TRIOBP: variants seen among roughly 807,000 people sequenced by gnomAD.
TRIOBP encodes the protein TRIO and F-actin binding protein.
A neutral mutation model predicts 238.8 loss-of-function variants in TRIOBP; 169 were observed. That is an observed-to-expected ratio of 0.71 (90% CI 0.62 to 0.80). The LOEUF (loss-of-function observed/expected upper bound fraction) is 0.80. Ranked by LOEUF, TRIOBP falls within the 30% of genes least tolerant of loss-of-function variation. The pLI, the probability that TRIOBP is intolerant of heterozygous loss-of-function variation, is 0.00. For synonymous variants in TRIOBP, 1,150 were observed against 1,274.4 expected, an observed-to-expected ratio of 0.90 and a Z score of 2.08; for missense variants, 2,838 against 3,122.6, an observed-to-expected ratio of 0.91 and a Z score of 2.17.
At position 37,733,395 on chromosome 22, in the gene TRIOBP, C is replaced by T; in HGVS notation, c.4045C>T (p.Pro1349Ser). The change falls in exon 8 of 24, where the codon CCT becomes TCT. Residue 1349 changes from proline (P) to serine (S), a missense_variant. By Grantham distance (74) the Pro-to-Ser change is moderately conservative (BLOSUM62 -1). Transcript: ENST00000644935. ...CCAACTTCTCCGAAGACAGTCCAGC[C>T]CTGCCCCCAGCAGGCAGGTGAGCAC... ...QSQLLRRQSS[P>S]APSRQVTMLP... The T allele has an allele frequency of 6.4e-7, 1 of 1,550,858 alleles. No individual in the cohort carries two copies. Among genetic ancestry groups the T allele is most frequent in the South Asian group, 1.2e-5 (1 of 84,090 alleles).
intron 16 of TRIOBP, 60 bp from the exon 17 acceptor site, chr22:37,759,094 T>G: frequency 7.0e-7 from 1 of 1,422,526 alleles, no homozygotes; most frequent in East Asian, 2.4e-5. Flanking sequence ...GGCTCCTCAC[T>G]GCCTTCCACC....
rs773104591 is a variant in TRIOBP at position 37,725,853 on chromosome 22, G to C, written c.3297G>C (p.Gln1099His). 8.1e-6 allele frequency: 13 copies of C among 1,604,276 alleles called. No homozygotes were observed. Among genetic ancestry groups the C allele is most frequent in the Non-Finnish European group, 1.1e-5 (13 of 1,178,386 alleles). Residue 1099 changes from glutamine to histidine, a missense_variant, in exon 7 of 24, where the codon CAG becomes CAC. Transcript: ENST00000644935. ...CATCAGATGCCGAGCATCAGTGTCA[G>C]TCCCCCCAACACGAGCCCCTTCAGC... ...PDTSDAEHQC[Q>H]SPQHEPLQLP...
intron 12 of TRIOBP, 31 bp from the exon 13 acceptor site, chr22:37,754,846 C>T (rs933952602): frequency 6.2e-7 from 1 of 1,606,728 alleles, no homozygotes; most frequent in African/African-American, 1.3e-5. Context: ...CAATCACACA[C>T]ACTGGCTCTT....
At chr22:37,708,181 G>A (rs1429463750) in intron 3 of TRIOBP, among the ~76,000 whole-genome samples, 3 of 148,364 alleles carry the variant, frequency 2.0e-5, no homozygotes, top group Non-Finnish European at 4.4e-5. Flanking sequence ...GGGAGGCGGA[G>A]CTTGCAGTGA....
chr22:37,745,971 G>GCGCGCC (rs1486645614), intron 11 of TRIOBP, among the ~76,000 whole-genome samples: 30 of 151,120 alleles, frequency 2.0e-4, no homozygotes, highest in African/African-American at 6.3e-4. Flanking sequence ...CTTCCTCCCA[G>GCGCGCC]CGCGCCCGCG....
rs746134002 is a variant in TRIOBP, at chr22:37,713,395, G to A, written c.440G>A (p.Ser147Asn). 3 of 1,613,278 alleles carry A rather than the reference G, an allele frequency of 1.9e-6. No homozygotes were observed. The highest frequency in any genetic ancestry group is 1.7e-6 in the Non-Finnish European group (2 of 1,180,010). Reference sequence around the variant, plus strand: ...GACTCCGCCACCCCTGATGATACCAGCAACTCGTCCTCTGTGGTGAGCCAG... The same window carrying A: ...GACTCCGCCACCCCTGATGATACCAACAACTCGTCCTCTGTGGTGAGCCAG... ...SPDSATPDDT[S>N]NSSSVDWDTV... Residue 147 changes from serine to asparagine, a missense_variant, in exon 5 of 24, where the codon AGC becomes AAC. Ser to Asn is a conservative substitution (Grantham distance 46). Around this residue, in one of 5 missense-constraint regions of TRIOBP, gnomAD observed 535 missense variants for 537.3 expected, o/e 1.00. Transcript: ENST00000644935.
chr22:37,725,383 C>T lies in TRIOBP; in HGVS notation c.2827C>T (p.Gln943Ter). 6.2e-7 allele frequency: 1 copy of T among 1,612,116 alleles called. No homozygotes were observed. Among genetic ancestry groups the T allele is most frequent in the Non-Finnish European group, 8.5e-7 (1 of 1,178,698 alleles). Residue 943 changes from glutamine (Q) to a stop codon, truncating the protein, a stop_gained, in exon 7 of 24, where the codon CAA becomes TAA. Coordinates refer to ENST00000644935, the MANE Select transcript of TRIOBP (RefSeq NM_001039141.3). LOFTEE classifies it high-confidence loss of function. ...GGCATCCATCGCCCTCCGGCCAACC[C>T]AAGGTGACAGGCCTCAGACATCCTC... ...PWASIALRPT[Q>*]GDRPQTSSPS...
rs753886991 is a variant in TRIOBP, at chr22:37,724,613, C to A, written c.2057C>A (p.Ser686Tyr). The A allele has an allele frequency of 2.5e-6, 4 of 1,612,206 alleles. No homozygotes were observed. In the African/African-American group the frequency reaches 5.4e-5, roughly 22 times the overall value. ...CALRDNPRAS[S>Y]PSRTIQQENP... Reference sequence around the variant, plus strand: ...CTACGGGACAATCCCAGAGCCTCCTCTCCCAGCAGAACCATCCAACAAGAG... The same window carrying A: ...CTACGGGACAATCCCAGAGCCTCCTATCCCAGCAGAACCATCCAACAAGAG... The change falls in exon 7 of 24, where the codon TCT (serine) becomes TAT (tyrosine). Residue 686 changes from serine to tyrosine, a missense_variant. Ser to Tyr is a moderately radical substitution (Grantham distance 144). Transcript: ENST00000644935.
At chr22:37,747,162 G>T (rs1252192816) in intron 11 of TRIOBP, among the ~76,000 whole-genome samples, 3 of 152,134 alleles carry the variant, frequency 2.0e-5, no homozygotes, top group African/African-American at 7.2e-5. Context: ...AGCTGGGTTC[G>T]CTGGACTCCC....
At chr22:37,744,651 A>C (rs1054620543) in intron 11 of TRIOBP, among the ~76,000 whole-genome samples, 5 of 151,640 alleles carry the variant, frequency 3.3e-5, no homozygotes, top group Non-Finnish European at 4.4e-5. Flanking sequence ...GTGTTCATTC[A>C]CTCTCCCAAG....
intron 9 of TRIOBP, 40 bp downstream of exon 9, chr22:37,735,482 C>G (rs1260720862): frequency 1.9e-6 from 3 of 1,539,602 alleles, no homozygotes; most frequent in Non-Finnish European, 2.6e-6. Context: ...GCCAGAAAGT[C>G]AGCCCCACTC....
At chr22:37,749,431 G>C (rs760710264) in intron 11 of TRIOBP, among the ~76,000 whole-genome samples, 1 of 152,026 alleles carries the variant, frequency 6.6e-6, no homozygotes. Flanking sequence ...AGTGAGTCCC[G>C]CCAGCCCGAG....
intron 3 of TRIOBP, among the ~76,000 whole-genome samples, chr22:37,709,578 G>A (rs979806068): frequency 1.3e-5 from 2 of 152,186 alleles, no homozygotes; most frequent in African/African-American, 4.8e-5. Flanking sequence ...ACCAGAGCCC[G>A]CAGCCCAGGT....
chr22:37,725,034 ATCT>A lies in TRIOBP; in HGVS notation c.2482_2484del (p.Ser828del), dbSNP rs758798285. 2 of 1,614,130 alleles carry A rather than the reference ATCT, an allele frequency of 1.2e-6. No individual in the cohort carries two copies. Among genetic ancestry groups the A allele is most frequent in the Non-Finnish European group, 8.5e-7 (1 of 1,179,976 alleles). ...GTATTCAACAGAACATCCCCAGATC[ATCT>A]TCTACCCAACAAGACAACCCTAAAA... On this transcript the variant is annotated inframe_deletion, in exon 7 of 24. Coordinates refer to ENST00000644935, the MANE Select transcript of TRIOBP (RefSeq NM_001039141.3).
At chr22:37,749,783 C>CAAA (rs893218020) in intron 11 of TRIOBP, among the ~76,000 whole-genome samples, 18 of 60,104 alleles carry the variant, frequency 3.0e-4, no homozygotes, top group African/African-American at 5.1e-4. Context: ...CCCATCTCTA[C>CAAA]AAAAAAAAAA....
chr22:37,725,789 G>A lies in TRIOBP; in HGVS notation c.3233G>A (p.Arg1078His), dbSNP rs199940075. 2.0e-5 allele frequency: 23 copies of A among 1,137,352 alleles called. No individual in the cohort carries two copies. The highest frequency in any genetic ancestry group is 7.3e-5 in the East Asian group (2 of 27,236). The allele number at this position is 1,137,352 out of a possible 1,614,324, so 70.5% of individuals were successfully genotyped here. A position where few individuals can be genotyped will look rare whatever the true frequency, so the allele number is the denominator to read the frequency against. ...GCCCCCCGGGCGTCCTCGCCCCCCC[G>A]CCACACCCAATTTGACCCCTTCCCC... ...RDAPRASSPP[R>H]HTQFDPFPFL... Residue 1078 changes from arginine to histidine, a missense_variant, in exon 7 of 24, where the codon CGC becomes CAC. By Grantham distance (29) the Arg-to-His change is conservative. This residue lies in a region of TRIOBP where 2,096 missense variants were observed against 2,137.4 expected (regional missense o/e 0.98). Coordinates refer to ENST00000644935, the MANE Select transcript of TRIOBP (RefSeq NM_001039141.3).
intron 11 of TRIOBP, chr22:37,746,259 G>GGGCAGC (rs1925248719): frequency 1.8e-6 from 2 of 1,089,448 alleles, no homozygotes; most frequent in Non-Finnish European, 2.2e-6. Flanking sequence ...GAAGGGGCCG[G>GGGCAGC]GGCAGCGTCG....
At chr22:37,700,145 G>A (rs5756781) in intron 2 of TRIOBP, among the ~76,000 whole-genome samples, 113,226 of 151,926 alleles carry the variant, frequency 0.75, 42,496 homozygotes, top group East Asian at 0.84. Flanking sequence ...CCAAAGTGCT[G>A]GGATTACAGG....
In TRIOBP at chr22:37,726,292, CCGGGCAG is replaced by C. The variant is rs1174228206; in HGVS notation, c.3738_3744del (p.Gly1247LeufsTer107). 1.2e-6 allele frequency: 2 copies of C among 1,612,880 alleles called. No individual in the cohort carries two copies. The highest frequency in any genetic ancestry group is 1.7e-6 in the Non-Finnish European group (2 of 1,179,994). ...AGCGTTCCTGGCACCCTCACCTTCA[CCGGGCAG>C]CTCTGGGGGCTCCCGGGGCTCAGCG... is the stretch of plus-strand genomic sequence containing the variant. On this transcript the variant is annotated frameshift_variant, in exon 7 of 24. Coordinates refer to ENST00000644935, the MANE Select transcript of TRIOBP (RefSeq NM_001039141.3). LOFTEE classifies it high-confidence loss of function.
Sources: allele counts gnomAD v4.1 joint callset (sites outside exome capture counted in the v4.1 genomes callset), GRCh38; gene constraint gnomAD v4.1.1; regional missense constraint gnomAD v4.1.1; transcripts MANE v1.5; gene names NCBI Gene and HGNC (gene_info 2026-07-23, HGNC 2026-07-21).